MCOLN2: variants seen among roughly 807,000 people sequenced by gnomAD.
The protein encoded by MCOLN2 is mucolipin-2.
MCOLN2 carries 57 observed loss-of-function variants against 67.5 expected under a neutral mutation model. The observed-to-expected ratio is 0.84, with a 90% CI of 0.68 to 1.05. The LOEUF is 1.05. Ranked by LOEUF, MCOLN2 falls within the 50% of genes least tolerant of loss-of-function variation. MCOLN2 has a pLI of 0.00. For missense variants in MCOLN2, 620 were observed against 678.8 expected, an observed-to-expected ratio of 0.91 and a Z score of 0.96; for synonymous variants, 246 against 233.3, an observed-to-expected ratio of 1.05 and a Z score of -0.50.
At chr1:84,929,409 G>T in intron 13 of MCOLN2, 149 bp downstream of exon 13, 1 of 889,146 alleles carries the variant, frequency 1.1e-6, no homozygotes, top group South Asian at 2.3e-5. Context: ...CATTTCTAAA[G>T]CCAATTTCAG....
intron 1 of MCOLN2, among the ~76,000 whole-genome samples, chr1:84,978,284 A>G (rs1571028407): frequency 6.6e-6 from 1 of 152,060 alleles, no homozygotes; most frequent in Non-Finnish European, 1.5e-5. Flanking sequence ...TTCAAAAAAA[A>G]AGGAAAAACT....
At chr1:84,966,298 A>G (rs1649380401) in intron 1 of MCOLN2, among the ~76,000 whole-genome samples, 3 of 152,078 alleles carry the variant, frequency 2.0e-5, no homozygotes, top group Non-Finnish European at 4.4e-5. Context: ...AAAATGGTCA[A>G]TCTCAAGAAT....
chr1:84,996,249 A>G (rs1319304487), intron 1 of MCOLN2, among the ~76,000 whole-genome samples: 2 of 152,020 alleles, frequency 1.3e-5, no homozygotes, highest in African/African-American at 2.4e-5. Flanking sequence ...ATCAGAGTCT[A>G]CATCCTGACA....
chr1:84,941,496 C>CAAAACAA (rs997690050), intron 7 of MCOLN2, among the ~76,000 whole-genome samples: 1 of 151,512 alleles, frequency 6.6e-6, no homozygotes, highest in Non-Finnish European at 1.5e-5. Context: ...GATTCTGTCT[C>CAAAACAA]AAAACAAAAA....
rs1651196745 is a variant in MCOLN2 at position 84,997,070 on chromosome 1, A to G, written c.-198T>C. The stretch of plus-strand genomic sequence containing the variant: ...CCGAGAGCAGGCGCCGCAGTCGTGG[A>G]GTGCGGCGGGCAGTTCTCGGGCGGC... On this transcript the variant is annotated 5_prime_UTR_variant, in exon 1 of 14. Coordinates refer to ENST00000370608, the MANE Select transcript of MCOLN2 (RefSeq NM_153259.4). 5 of 592,420 alleles carry G rather than the reference A, an allele frequency of 8.4e-6. No individual in the cohort carries two copies. Among genetic ancestry groups the G allele is most frequent in the Non-Finnish European group, 1.5e-5 (5 of 334,790 alleles). 36.7% of individuals were successfully genotyped at this position (592,420 alleles called of 1,614,324 possible). A position where few individuals can be genotyped will look rare whatever the true frequency, so the allele number is the denominator to read the frequency against.
intron 9 of MCOLN2, 62 bp from the exon 10 acceptor site, chr1:84,938,144 T>C (rs1186251995): frequency 1.7e-6 from 2 of 1,181,448 alleles, no homozygotes; most frequent in African/African-American, 1.5e-5. Context: ...CTTAGCTTAT[T>C]AGCCTTACAT....
rs117627908 is a variant in MCOLN2, at chr1:84,982,768, T to A, written c.77+14028A>T. Among the ~76,000 whole-genome samples, 554 of 152,300 alleles carry A rather than the reference T, an allele frequency of 3.6e-3. 12 individuals carry two copies. The East Asian group carries it at 0.076, about 21-fold the overall frequency. On this transcript the variant is annotated intron_variant, in intron 1 of 13. Transcript: ENST00000370608. ...CAGAAAATGGAGTACAGTGGTGCGA[T>A]CTTGACTCACTGCAACCTCCACCTT...
At chr1:84,940,337 C>T (rs192323651) in intron 8 of MCOLN2, among the ~76,000 whole-genome samples, 42 of 152,272 alleles carry the variant, frequency 2.8e-4, no homozygotes, top group African/African-American at 8.2e-4. Context: ...TTTGTACACA[C>T]GCCACAGCCA....
At chr1:84,930,042 C>T (rs12032056) in intron 12 of MCOLN2, among the ~76,000 whole-genome samples, 1 of 151,914 alleles carries the variant, frequency 6.6e-6, no homozygotes, top group Non-Finnish European at 1.5e-5. Flanking sequence ...AAGGGAGGAT[C>T]GCTTGAGCCC....
rs375353081 is a variant in MCOLN2 at position 84,987,531 on chromosome 1, T to C, written c.77+9265A>G. Reference sequence around the variant, plus strand: ...GTATACATATGTATATATGTATACATCTATGTATACATAGATGTATACATC... The same window carrying C: ...GTATACATATGTATATATGTATACACCTATGTATACATAGATGTATACATC... On this transcript the variant is annotated intron_variant, in intron 1 of 13. Transcript: ENST00000370608. 1.5e-3 allele frequency among the ~76,000 whole-genome samples: 50 copies of C among 34,204 alleles called. 2 individuals are homozygous for C. Among genetic ancestry groups the C allele is most frequent in the African/African-American group, 3.1e-3 (47 of 15,106 alleles). 22.4% of individuals were successfully genotyped at this position (34,204 alleles called of 152,430 possible).
rs1647532811 is a variant in MCOLN2, at chr1:84,938,008, T to C, written c.1185A>G (p.Arg395=). 2 of 1,614,112 alleles carry C rather than the reference T, an allele frequency of 1.2e-6. No homozygotes were observed. Among genetic ancestry groups the C allele is most frequent in the African/African-American group, 2.7e-5 (2 of 75,030 alleles). ...STLLVWVGVI[R]YLGYFQAYNV... The stretch of plus-strand genomic sequence containing the variant: ...TATATGCCTGGAAATAACCCAGGTA[T>C]CTGATGACTCCAACCCAAACCAAGA... Residue 395 remains arginine (R), a synonymous_variant, in exon 10 of 14, where the codon AGA becomes AGG. Coordinates refer to ENST00000370608, the MANE Select transcript of MCOLN2 (RefSeq NM_153259.4).
At chr1:84,972,888 A>C (rs1248972999) in intron 1 of MCOLN2, among the ~76,000 whole-genome samples, 1 of 152,196 alleles carries the variant, frequency 6.6e-6, no homozygotes, top group Non-Finnish European at 1.5e-5. Context: ...CACCAGTTTC[A>C]GTGATGGTAT....
At chr1:84,950,975 C>A (rs1648399163) in intron 6 of MCOLN2, among the ~76,000 whole-genome samples, 1 of 152,152 alleles carries the variant, frequency 6.6e-6, no homozygotes, top group African/African-American at 2.4e-5. Context: ...ACACTTCCGA[C>A]CATATCATGA....
At chr1:84,966,991 A>G (rs1022878428) in intron 1 of MCOLN2, among the ~76,000 whole-genome samples, 2 of 152,270 alleles carry the variant, frequency 1.3e-5, no homozygotes, top group Non-Finnish European at 2.9e-5. Flanking sequence ...TATACATTAT[A>G]TAACACATAA....
chr1:84,995,806 T>TTAA (rs1553159763), intron 1 of MCOLN2, among the ~76,000 whole-genome samples: 78 of 150,466 alleles, frequency 5.2e-4, no homozygotes, highest in Middle Eastern at 3.4e-3. Flanking sequence ...TCTATTTTTT[T>TTAA]AAAAAAAAAC....
chr1:84,947,562 C>T (rs1648183926), intron 6 of MCOLN2, among the ~76,000 whole-genome samples: 1 of 152,150 alleles, frequency 6.6e-6, no homozygotes. Flanking sequence ...CTCTGGTGGT[C>T]CTCATTATGG....
Position 84,990,297 on chromosome 1 carries a change from C to CAA in MCOLN2, c.77+6497_77+6498dup, listed in dbSNP as rs34226507. On this transcript the variant is annotated intron_variant, in intron 1 of 13. Coordinates refer to ENST00000370608, the MANE Select transcript of MCOLN2 (RefSeq NM_153259.4). The stretch of plus-strand genomic sequence containing the variant: ...TGGGCAACAGAATGAGACTCCATCT[C>CAA]AAAAAAAAAAAAAAAAAAAAAAAAA... Among the ~76,000 whole-genome samples, 46 of 34,982 alleles carry CAA rather than the reference C, an allele frequency of 1.3e-3. 5 individuals are homozygous for CAA. Among genetic ancestry groups the CAA allele is most frequent in the African/African-American group, 2.8e-3 (25 of 9,068 alleles). The allele number at this position is 34,982 out of a possible 152,430, so 22.9% of individuals were successfully genotyped here.
intron 2 of MCOLN2, among the ~76,000 whole-genome samples, chr1:84,959,084 T>C (rs971205353): frequency 6.6e-6 from 1 of 152,228 alleles, no homozygotes; most frequent in Non-Finnish European, 1.5e-5. Context: ...TGATTTAAGA[T>C]TTAGAAATTG....
rs184161436 is a variant in MCOLN2 at position 84,945,136 on chromosome 1, T to C, written c.847+1897A>G. Among the ~76,000 whole-genome samples, 360 of 152,284 alleles carry C rather than the reference T, an allele frequency of 2.4e-3. 1 individual carries two copies. Among genetic ancestry groups the C allele is most frequent in the Non-Finnish European group, 2.2e-3 (148 of 68,018 alleles). On this transcript the variant is annotated intron_variant, in intron 7 of 13. Coordinates refer to ENST00000370608, the MANE Select transcript of MCOLN2 (RefSeq NM_153259.4). ...CTCCTCATTGGCCACAGGAGGGGGC[T>C]AGAGATACTCTCTTCTGAGCACAAG...
Sources: gnomAD v4.1 joint callset for allele counts (sites outside exome capture counted in the v4.1 genomes callset) on GRCh38, gnomAD v4.1.1 for gene constraint, MANE v1.5 for transcripts, NCBI Gene and HGNC (gene_info 2026-07-23, HGNC 2026-07-21) for gene names.